RNF2: variants seen among roughly 807,000 people sequenced by gnomAD.
RNF2 encodes the protein ring finger protein 2.
Under a neutral mutation model 37.2 loss-of-function variants are expected in RNF2, and 6 were observed. The ratio of observed to expected loss-of-function variants is 0.16; its 90% CI spans 0.09 to 0.32. RNF2 has a LOEUF of 0.32. Among genes scored for constraint, RNF2 ranks in the 10% least tolerant of loss-of-function variants. RNF2 has a pLI of 1.00. For synonymous variants in RNF2, 133 were observed against 132.7 expected, an observed-to-expected ratio of 1.00 and a Z score of -0.02; for missense variants, 251 against 404.0, an observed-to-expected ratio of 0.62 and a Z score of 3.25.
chr1:185,083,781 A>AT (rs1258987988), intron 1 of RNF2, among the ~76,000 whole-genome samples: 1 of 149,890 alleles, frequency 6.7e-6, no homozygotes, highest in African/African-American at 2.5e-5. Context: ...AACATTTTGT[A>AT]TTTTTTGTAG....
intron 1 of RNF2, among the ~76,000 whole-genome samples, chr1:185,062,702 A>G (rs969092231): frequency 6.6e-6 from 1 of 152,150 alleles, no homozygotes; most frequent in African/African-American, 2.4e-5. Context: ...ACTGGGGAAA[A>G]TTAACACTCA....
chr1:185,072,067 G>A (rs1224395666), intron 1 of RNF2: 1 of 152,652 alleles, frequency 6.6e-6, no homozygotes, highest in Non-Finnish European at 1.5e-5. Flanking sequence ...TGTCATCATG[G>A]GAGGTGGCTA....
intron 1 of RNF2, among the ~76,000 whole-genome samples, chr1:185,057,530 T>A (rs139153032): frequency 1.4e-3 from 208 of 152,298 alleles, no homozygotes; most frequent in African/African-American, 4.8e-3. Context: ...CAGTACCTGT[T>A]GTCCCCGTAA....
chr1:185,056,656 C>G (rs978902487), intron 1 of RNF2, among the ~76,000 whole-genome samples: 15 of 152,166 alleles, frequency 9.9e-5, no homozygotes, highest in African/African-American at 3.6e-4. Context: ...CAGGTGTGAG[C>G]CACTGCACCT....
At chr1:185,050,869 T>C (rs959386673) in intron 1 of RNF2, among the ~76,000 whole-genome samples, 1 of 152,266 alleles carries the variant, frequency 6.6e-6, no homozygotes, top group African/African-American at 2.4e-5. Flanking sequence ...TAGTATTTTA[T>C]AAACTGATGT....
chr1:185,069,037 C>T (rs1219823160), intron 1 of RNF2, among the ~76,000 whole-genome samples: 1 of 152,176 alleles, frequency 6.6e-6, no homozygotes, highest in African/African-American at 2.4e-5. Context: ...TTGCTGCCTT[C>T]TCCCTCATAA....
chr1:185,056,626 C>T (rs1443032427), intron 1 of RNF2, among the ~76,000 whole-genome samples: 1 of 152,182 alleles, frequency 6.6e-6, no homozygotes, highest in African/African-American at 2.4e-5. Flanking sequence ...CCTCCTTGGC[C>T]TCCCAAAGTG....
rs1396493849 is a variant in RNF2 at position 185,101,529 on chromosome 1, T to C, written c.*1228T>C. 1 of 152,550 alleles carries C rather than the reference T, an allele frequency of 6.6e-6. No homozygotes were observed. Among genetic ancestry groups the C allele is most frequent in the Non-Finnish European group, 1.5e-5 (1 of 67,996 alleles). 9.4% of individuals were successfully genotyped at this position (152,550 alleles called of 1,614,324 possible). A position where few individuals can be genotyped will look rare whatever the true frequency, so the allele number is the denominator to read the frequency against. On this transcript the variant is annotated 3_prime_UTR_variant, in exon 7 of 7. Coordinates refer to ENST00000367510, the MANE Select transcript of RNF2 (RefSeq NM_007212.4). The stretch of plus-strand genomic sequence containing the variant: ...TTTGTTGACAGATCAGAAATAAGAT[T>C]GACTTGGGTGTTATATTTCATCTCT...
At chr1:185,063,251 T>G (rs1041913559) in intron 1 of RNF2, among the ~76,000 whole-genome samples, 8 of 152,216 alleles carry the variant, frequency 5.3e-5, no homozygotes, top group Non-Finnish European at 1.5e-5. Flanking sequence ...ATAGTGGTTC[T>G]CAAAACTGGC....
intron 1 of RNF2, among the ~76,000 whole-genome samples, chr1:185,076,192 A>G (rs1451833592): frequency 6.8e-6 from 1 of 147,458 alleles, no homozygotes; most frequent in Non-Finnish European, 1.5e-5. Flanking sequence ...GAGGCGAAAT[A>G]TGAACCTTTC....
chr1:185,052,814 G>A (rs1650309553), intron 1 of RNF2, among the ~76,000 whole-genome samples: 1 of 152,198 alleles, frequency 6.6e-6, no homozygotes, highest in Non-Finnish European at 1.5e-5. Context: ...AGCTGGGGAT[G>A]CTGAAGGAAG....
intron 1 of RNF2, among the ~76,000 whole-genome samples, chr1:185,060,582 AGTG>A (rs1650569399): frequency 6.6e-6 from 1 of 152,228 alleles, no homozygotes; most frequent in East Asian, 1.9e-4. Context: ...TGATGAATTT[AGTG>A]TAGAGTTGAT....
In RNF2 at chr1:185,094,059, C is replaced by G. The variant is rs75166128; in HGVS notation, c.464+783C>G. ...AATACTGAACTTACTCCCTACTTCT[C>G]TTCATTCTTACTCATTTTGGTTGAT... is the stretch of plus-strand genomic sequence containing the variant. On this transcript the variant is annotated intron_variant, in intron 4 of 6. Coordinates refer to ENST00000367510, the MANE Select transcript of RNF2 (RefSeq NM_007212.4). Among the ~76,000 whole-genome samples the G allele has an allele frequency of 3.1e-3, 474 of 152,112 alleles. 4 individuals carry two copies. The highest frequency in any genetic ancestry group is 0.011 in the African/African-American group (454 of 41,502).
At chr1:185,060,108 A>G (rs1650555047) in intron 1 of RNF2, among the ~76,000 whole-genome samples, 1 of 152,234 alleles carries the variant, frequency 6.6e-6, no homozygotes, top group Non-Finnish European at 1.5e-5. Context: ...CTTGGAATAT[A>G]CCACTTTGCA....
In RNF2 at chr1:185,054,783, C is replaced by T. The variant is rs148101368; in HGVS notation, c.-3+9134C>T. Among the ~76,000 whole-genome samples the T allele has an allele frequency of 3.5e-4, 53 of 152,274 alleles. No individual in the cohort carries two copies. The East Asian group carries it at 8.7e-3, about 25-fold the overall frequency. The stretch of plus-strand genomic sequence containing the variant: ...CGCGATCTCAGCTCACTGCATCCTC[C>T]GCCTGCCGGGGTCAAGCGATCTTGC... On this transcript the variant is annotated intron_variant, in intron 1 of 6. Transcript: ENST00000367510.
At chr1:185,064,902 CTGAT>C (rs1406509094) in intron 1 of RNF2, among the ~76,000 whole-genome samples, 2 of 151,838 alleles carry the variant, frequency 1.3e-5, no homozygotes, top group African/African-American at 2.4e-5. Flanking sequence ...ATGAATGAAA[CTGAT>C]TGTTTTGTTT....
chr1:185,063,034 T>C (rs1650659813), intron 1 of RNF2, among the ~76,000 whole-genome samples: 1 of 152,252 alleles, frequency 6.6e-6, no homozygotes, highest in South Asian at 2.1e-4. Context: ...TGCCCTTTGA[T>C]CCAGTAATTC....
intron 1 of RNF2, chr1:185,046,314 A>C (rs1032567131): frequency 2.0e-5 from 3 of 150,908 alleles, no homozygotes; most frequent in Non-Finnish European, 2.9e-5. Flanking sequence ...ACCCAGGAGG[A>C]GTCGTGGGGG....
rs71555455 is a variant in RNF2, at chr1:185,085,145, C to CTTTTTTTTTT, written c.-2-2395_-2-2386dup. Among the ~76,000 whole-genome samples, 274 of 103,188 alleles carry CTTTTTTTTTT rather than the reference C, an allele frequency of 2.7e-3. 1 individual carries two copies. Among genetic ancestry groups the CTTTTTTTTTT allele is most frequent in the Non-Finnish European group, 3.2e-3 (174 of 54,496 alleles). The allele number at this position is 103,188 out of a possible 152,430, so 67.7% of individuals were successfully genotyped here. ...CCATATTTGACCCTTCTTTCTTTTTCTTTTTTTTTTTTTTTTTTTTTGAGA... is the reference window on the plus strand; with the variant it reads ...CCATATTTGACCCTTCTTTCTTTTTCTTTTTTTTTTTTTTTTTTTTTTTTTTTTTTTGAGA... On this transcript the variant is annotated intron_variant, in intron 1 of 6. Transcript: ENST00000367510.
Sources: allele counts gnomAD v4.1 joint callset (sites outside exome capture counted in the v4.1 genomes callset), GRCh38; gene constraint gnomAD v4.1.1; transcripts MANE v1.5; gene names NCBI Gene and HGNC (gene_info 2026-07-23, HGNC 2026-07-21).